AUTS2: variants seen among roughly 807,000 people sequenced by gnomAD.
AUTS2 encodes the protein autism susceptibility gene 2 protein.
AUTS2 carries 17 observed loss-of-function variants against 112.4 expected under a neutral mutation model. That is an observed-to-expected ratio of 0.15 (90% CI 0.10 to 0.23). The LOEUF (loss-of-function observed/expected upper bound fraction) is 0.23. Ranked by LOEUF, AUTS2 falls within the 10% of genes least tolerant of loss-of-function variation. AUTS2 has a pLI of 1.00. For synonymous variants in AUTS2, 751 were observed against 702.7 expected, an observed-to-expected ratio of 1.07 and a Z score of -1.09; for missense variants, 1,510 against 1,701.6, an observed-to-expected ratio of 0.89 and a Z score of 1.98.
intron 2 of AUTS2, among the ~76,000 whole-genome samples, chr7:70,050,450 G>A (rs1356577567): frequency 6.6e-6 from 1 of 151,812 alleles, no homozygotes; most frequent in African/African-American, 2.4e-5. Context: ...GGGGATCAGG[G>A]TCCTCTTGGC....
intron 1 of AUTS2, among the ~76,000 whole-genome samples, chr7:69,779,833 A>C (rs1345097828): frequency 1.3e-5 from 2 of 151,602 alleles, no homozygotes; most frequent in Non-Finnish European, 2.9e-5. Flanking sequence ...TATACTAGTC[A>C]TAGCTACCTG....
chr7:70,627,561 T>C (rs953914550), intron 5 of AUTS2, among the ~76,000 whole-genome samples: 1 of 152,264 alleles, frequency 6.6e-6, no homozygotes, highest in Non-Finnish European at 1.5e-5. Context: ...ACCAGCTCAT[T>C]ATTCCATCTC....
At chr7:70,765,974 C>T in intron 8 of AUTS2, 140 bp from the exon 9 acceptor site, 1 of 1,413,210 alleles carries the variant, frequency 7.1e-7, no homozygotes. Flanking sequence ...TCATTGATTG[C>T]CCCCGTTTAT....
At chr7:69,755,990 G>A (rs772471527) in intron 1 of AUTS2, among the ~76,000 whole-genome samples, 18 of 152,162 alleles carry the variant, frequency 1.2e-4, no homozygotes, top group Non-Finnish European at 2.2e-4. Flanking sequence ...AAACAGGGAC[G>A]ATACTTTTCC....
intron 2 of AUTS2, among the ~76,000 whole-genome samples, chr7:70,063,399 G>C (rs1210951957): frequency 6.6e-6 from 1 of 152,088 alleles, no homozygotes; most frequent in East Asian, 1.9e-4. Context: ...ATACCAGAAT[G>C]ATGAAGAGCA....
intron 1 of AUTS2, among the ~76,000 whole-genome samples, chr7:69,764,539 C>T (rs1788336689): frequency 6.6e-6 from 1 of 151,476 alleles, no homozygotes; most frequent in Non-Finnish European, 1.5e-5. Context: ...CTGGTTGACA[C>T]TTGGGTTGAA....
chr7:69,751,008 A>G (rs1397685689), intron 1 of AUTS2, among the ~76,000 whole-genome samples: 1 of 152,102 alleles, frequency 6.6e-6, no homozygotes, highest in Non-Finnish European at 1.5e-5. Flanking sequence ...AGTAGAGGCC[A>G]AAAACATTTT....
chr7:70,567,274 C>CT (rs1313070728), intron 5 of AUTS2, among the ~76,000 whole-genome samples: 1 of 152,192 alleles, frequency 6.6e-6, no homozygotes, highest in Non-Finnish European at 1.5e-5. Context: ...TCTTCAAACT[C>CT]TATTTCTTCA....
chr7:70,786,970 C>T, intron 17 of AUTS2: 2 of 600,050 alleles, frequency 3.3e-6, no homozygotes, highest in South Asian at 1.9e-5. Flanking sequence ...TTTTAACTTC[C>T]CCTGTCCCCA....
intron 1 of AUTS2, among the ~76,000 whole-genome samples, chr7:69,693,042 A>G (rs1264221274): frequency 6.6e-6 from 1 of 152,224 alleles, no homozygotes; most frequent in African/African-American, 2.4e-5. Flanking sequence ...AATAATGAGG[A>G]AACTGTGGCA....
intron 4 of AUTS2, among the ~76,000 whole-genome samples, chr7:70,338,518 T>C (rs1333486262): frequency 6.6e-6 from 1 of 152,244 alleles, no homozygotes; most frequent in Non-Finnish European, 1.5e-5. Flanking sequence ...ATAATTGTTA[T>C]TATGTCTTCT....
At chr7:70,662,952 T>C (rs760203699) in intron 5 of AUTS2, among the ~76,000 whole-genome samples, 5 of 152,218 alleles carry the variant, frequency 3.3e-5, no homozygotes, top group Admixed American at 6.5e-5. Flanking sequence ...TCTTATTACT[T>C]GCTATTCACT....
Position 70,327,522 on chromosome 7 carries a change from G to A in AUTS2, c.661-108230G>A, listed in dbSNP as rs532751133. Among the ~76,000 whole-genome samples, 89 of 152,312 alleles carry A rather than the reference G, an allele frequency of 5.8e-4. No homozygotes were observed. In the South Asian group the frequency reaches 0.018, roughly 30 times the overall value. On this transcript the variant is annotated intron_variant, in intron 4 of 18. Transcript: ENST00000342771. ...GAATAGTACTCCAGACATGGAAGGG[G>A]CTCTAGGTATTTAGGCTATGGCAGA...
rs1479580326 is a variant in AUTS2, at chr7:70,766,033, C to T, written c.1469-81C>T. On this transcript the variant is annotated intron_variant, in intron 8 of 18. Coordinates refer to ENST00000342771, the MANE Select transcript of AUTS2 (RefSeq NM_015570.4). The surrounding 1 kb of genome is among the most constrained non-coding windows in gnomAD (Gnocchi z 4.8). ...CACCCCTGCCACTGTGTCACCAGCC[C>T]CGTACCCCTCCACAGGAAGGCAGTC... 2 of 1,555,298 alleles carry T rather than the reference C, an allele frequency of 1.3e-6. No homozygotes were observed. The highest frequency in any genetic ancestry group is 2.3e-5 in the East Asian group (1 of 44,120).
chr7:69,985,826 A>T, intron 2 of AUTS2, among the ~76,000 whole-genome samples: 1 of 151,428 alleles, frequency 6.6e-6, no homozygotes, highest in Non-Finnish European at 1.5e-5. Context: ...GAAGAATATG[A>T]TTCACTGCAG....
chr7:70,481,216 T>A (rs1343816004), intron 5 of AUTS2, among the ~76,000 whole-genome samples: 2 of 152,168 alleles, frequency 1.3e-5, no homozygotes, highest in Non-Finnish European at 2.9e-5. Flanking sequence ...GTGTGTCAGA[T>A]TGCAGGTTTG....
chr7:70,695,141 G>T, intron 5 of AUTS2: 1 of 152,542 alleles, frequency 6.6e-6, no homozygotes, highest in South Asian at 2.0e-4. Flanking sequence ...CGGCCGGGCC[G>T]GCGGGCAGGG....
intron 5 of AUTS2, among the ~76,000 whole-genome samples, chr7:70,444,531 A>G (rs964461353): frequency 6.6e-6 from 1 of 152,138 alleles, no homozygotes; most frequent in African/African-American, 2.4e-5. Flanking sequence ...TAAACTTTAT[A>G]CTTTAAGAAG....
intron 1 of AUTS2, among the ~76,000 whole-genome samples, chr7:69,658,832 GTAAA>G: frequency 6.6e-6 from 1 of 152,288 alleles, no homozygotes; most frequent in Admixed American, 6.5e-5. Flanking sequence ...GGTTTAAAAA[GTAAA>G]TACTGCAGAG....
Sources: allele counts gnomAD v4.1 joint callset (sites outside exome capture counted in the v4.1 genomes callset), GRCh38; gene constraint gnomAD v4.1.1; non-coding constraint Gnocchi (gnomAD v3.1); transcripts MANE v1.5; gene names NCBI Gene and HGNC (gene_info 2026-07-23, HGNC 2026-07-21).